Variants in CLYBL observed in about 807,000 individuals in gnomAD.
CLYBL encodes the protein citramalyl-CoA lyase, mitochondrial.
In CLYBL, 31 loss-of-function variants were observed where a neutral mutation model predicts 38.9. That is an observed-to-expected ratio of 0.80 (90% CI 0.60 to 1.08). CLYBL has a LOEUF of 1.08. CLYBL is among the 50% of genes least tolerant of loss of function. The pLI is 0.00. For missense variants in CLYBL, 434 were observed against 411.6 expected (o/e 1.05, Z -0.47); for synonymous variants, 171 against 158.6 (o/e 1.08, Z -0.59).
intron 1 of CLYBL, among the ~76,000 whole-genome samples, chr13:99,682,150 T>C (rs898023882): frequency 6.9e-6 from 1 of 145,934 alleles, no homozygotes; most frequent in African/African-American, 2.5e-5. Flanking sequence ...TTTTCTTTTC[T>C]TTTTTTTTTT....
chr13:99,879,391 T>C (rs2052135591), intron 7 of CLYBL, among the ~76,000 whole-genome samples: 1 of 152,188 alleles, frequency 6.6e-6, no homozygotes, highest in Admixed American at 6.5e-5. Context: ...AGCTATCATC[T>C]TTGCTACACC....
At chr13:99,703,589 C>T (rs895972773) in intron 1 of CLYBL, among the ~76,000 whole-genome samples, 11 of 152,174 alleles carry the variant, frequency 7.2e-5, no homozygotes, top group Admixed American at 3.3e-4. Flanking sequence ...CAGAGTAGTC[C>T]GATCTCCTGA....
At chr13:99,674,388 G>A (rs1457786488) in intron 1 of CLYBL, among the ~76,000 whole-genome samples, 35 of 152,042 alleles carry the variant, frequency 2.3e-4, no homozygotes, top group Non-Finnish European at 2.9e-5. Flanking sequence ...CTGACCTCGT[G>A]ATCTGCCCAT....
intron 1 of CLYBL, among the ~76,000 whole-genome samples, chr13:99,665,519 T>C (rs1335625128): frequency 6.6e-6 from 1 of 151,960 alleles, no homozygotes; most frequent in Non-Finnish European, 1.5e-5. Context: ...ATATAGTTTT[T>C]AGTGAAAAAA....
At chr13:99,671,864 G>A (rs746785261) in intron 1 of CLYBL, among the ~76,000 whole-genome samples, 1 of 152,066 alleles carries the variant, frequency 6.6e-6, no homozygotes, top group Admixed American at 6.5e-5. Flanking sequence ...GAGAAGGGAT[G>A]TGTGAGAGAC....
At position 99,789,071 on chromosome 13, in the gene CLYBL, G is replaced by A. The variant is rs1387414455; in HGVS notation, c.249+16061G>A. Among the ~76,000 whole-genome samples the A allele has an allele frequency of 1.1e-4, 17 of 151,992 alleles. No homozygotes were observed. In the South Asian group the frequency reaches 1.2e-3, roughly 11 times the overall value. On this transcript the variant is annotated intron_variant, in intron 2 of 8. Coordinates refer to ENST00000339105, the MANE Select transcript of CLYBL (RefSeq NM_206808.5). ...TATCCCCTTTATCATTTTTTATTGC[G>A]TCTATTTGATTCTTCTCTCTTTTCT...
intron 2 of CLYBL, among the ~76,000 whole-genome samples, chr13:99,819,452 A>AAATT (rs2050538178): frequency 2.4e-5 from 2 of 83,036 alleles, no homozygotes; most frequent in East Asian, 8.4e-4. Flanking sequence ...ATATATATAT[A>AAATT]TATATATATA....
chr13:99,834,949 A>AC (rs1198872240), intron 2 of CLYBL, among the ~76,000 whole-genome samples: 1 of 152,050 alleles, frequency 6.6e-6, no homozygotes, highest in Non-Finnish European at 1.5e-5. Context: ...ATGTACACTT[A>AC]CCCCCAAATT....
At chr13:99,705,947 T>C (rs2048140251) in intron 1 of CLYBL, among the ~76,000 whole-genome samples, 1 of 152,050 alleles carries the variant, frequency 6.6e-6, no homozygotes, top group East Asian at 1.9e-4. Context: ...TTTTTTGTTT[T>C]AAAGACAGAG....
intron 1 of CLYBL, among the ~76,000 whole-genome samples, chr13:99,673,407 C>G (rs1415364032): frequency 1.1e-5 from 1 of 88,936 alleles, no homozygotes; most frequent in Non-Finnish European, 2.4e-5. Context: ...AGCGAGACTC[C>G]GTCTCAAAAA....
At chr13:99,688,743 A>AC in intron 1 of CLYBL, among the ~76,000 whole-genome samples, 1 of 152,194 alleles carries the variant, frequency 6.6e-6, no homozygotes, top group East Asian at 1.9e-4. Context: ...GGAGGATCTG[A>AC]CAGTGGCCGT....
intron 1 of CLYBL, among the ~76,000 whole-genome samples, chr13:99,698,778 G>A (rs1320399964): frequency 3.3e-5 from 5 of 152,176 alleles, no homozygotes; most frequent in African/African-American, 1.2e-4. Context: ...TGTATGAATT[G>A]TCAAAAAGAT....
At chr13:99,608,732 G>C (rs1269609186) in intron 1 of CLYBL, among the ~76,000 whole-genome samples, 1 of 151,832 alleles carries the variant, frequency 6.6e-6, no homozygotes, top group Non-Finnish European at 1.5e-5. Context: ...TTCTTGATTG[G>C]CATTTTTTTT....
At chr13:99,662,413 A>G (rs1301404946) in intron 1 of CLYBL, among the ~76,000 whole-genome samples, 1 of 152,108 alleles carries the variant, frequency 6.6e-6, no homozygotes, top group Non-Finnish European at 1.5e-5. Context: ...AGTTACTTTC[A>G]TAGAGAATCA....
intron 1 of CLYBL, among the ~76,000 whole-genome samples, chr13:99,747,762 C>T (rs895815116): frequency 2.0e-5 from 3 of 152,130 alleles, no homozygotes; most frequent in Non-Finnish European, 2.9e-5. Flanking sequence ...GCTTCTGGTC[C>T]GTGTTTGTAC....
At position 99,774,169 on chromosome 13, in the gene CLYBL, G is replaced by T. The variant is rs117652363; in HGVS notation, c.249+1159G>T. On this transcript the variant is annotated intron_variant, in intron 2 of 8. Transcript: ENST00000339105. ...AATCACGTGAGCCCGAGAGTTTGAG[G>T]CTGCAGTGAACCATGATCGTGCCAC... 1.7e-3 allele frequency among the ~76,000 whole-genome samples: 259 copies of T among 152,210 alleles called. 1 individual carries two copies. The highest frequency in any genetic ancestry group is 3.4e-3 in the Middle Eastern group (1 of 294).
intron 1 of CLYBL, among the ~76,000 whole-genome samples, chr13:99,613,527 C>T (rs1051494019): frequency 2.0e-5 from 3 of 151,936 alleles, no homozygotes; most frequent in Admixed American, 6.6e-5. Flanking sequence ...CACTACTGTC[C>T]CTCTGTACTG....
intron 8 of CLYBL, among the ~76,000 whole-genome samples, chr13:99,905,119 C>A (rs575559707): frequency 6.6e-6 from 1 of 152,208 alleles, no homozygotes; most frequent in African/African-American, 2.4e-5. Context: ...TCTCTCCAGC[C>A]GAGGACCTCC....
chr13:99,837,439 G>A (rs2050964965), intron 2 of CLYBL, among the ~76,000 whole-genome samples: 1 of 152,156 alleles, frequency 6.6e-6, no homozygotes, highest in Admixed American at 6.5e-5. Flanking sequence ...GTGACAGAGC[G>A]AGACCCTGTC....
Sources: allele counts gnomAD v4.1 joint callset (sites outside exome capture counted in the v4.1 genomes callset), GRCh38; gene constraint gnomAD v4.1.1; transcripts MANE v1.5; gene names NCBI Gene and HGNC (gene_info 2026-07-23, HGNC 2026-07-21).